Variants in AMDHD2 observed in about 807,000 individuals in gnomAD.
The protein encoded by AMDHD2 is N-acetylglucosamine-6-phosphate deacetylase.
In AMDHD2, 24 loss-of-function variants were observed where a neutral mutation model predicts 41.8. The ratio of observed to expected loss-of-function variants is 0.57; its 90% CI spans 0.42 to 0.81. AMDHD2 has a LOEUF of 0.81. Ranked by LOEUF, AMDHD2 falls within the 30% of genes least tolerant of loss-of-function variation. The pLI, the probability that AMDHD2 is intolerant of heterozygous loss-of-function variation, is 0.00. For missense variants in AMDHD2, 540 were observed against 588.5 expected, an observed-to-expected ratio of 0.92 and a Z score of 0.85; for synonymous variants, 332 against 255.5, an observed-to-expected ratio of 1.30 and a Z score of -2.85.
At position 2,521,073 on chromosome 16, in the gene AMDHD2, ACCT is replaced by A. The variant is rs1413768700; in HGVS notation, c.314_316del (p.Ser105del). On this transcript the variant is annotated inframe_deletion, in exon 3 of 11. Coordinates refer to ENST00000293971, the MANE Select transcript of AMDHD2 (RefSeq NM_001330449.2). ...CCGGAGGATCCTGTCGCACGGCGTCACCTCCTTCTGCCCCACCCTGGTCACTTC... is the reference window on the plus strand; with the variant it reads ...CCGGAGGATCCTGTCGCACGGCGTCACCTTCTGCCCCACCCTGGTCACTTC... 1.2e-6 allele frequency: 2 copies of A among 1,610,096 alleles called. No homozygotes were observed. Among genetic ancestry groups the A allele is most frequent in the Non-Finnish European group, 1.7e-6 (2 of 1,177,924 alleles).
chr16:2,530,633 T>G lies in AMDHD2; in HGVS notation c.*1070T>G, dbSNP rs2066078428. 2 of 1,614,082 alleles carry G rather than the reference T, an allele frequency of 1.2e-6. No homozygotes were observed. Among genetic ancestry groups the G allele is most frequent in the South Asian group, 2.2e-5 (2 of 91,094 alleles). On this transcript the variant is annotated 3_prime_UTR_variant, in exon 11 of 11. Transcript: ENST00000293971. ...CGCGCCTGGCTCTGCCACTGTTCTC[T>G]TCCCTCTGCTGCAAAGCCCAGTTAA...
Position 2,520,967 on chromosome 16 carries a change from C to T in AMDHD2, c.221-17C>T, listed in dbSNP as rs773524416. The T allele has an allele frequency of 2.4e-5, 39 of 1,597,340 alleles. No individual in the cohort carries two copies. Among genetic ancestry groups the T allele is most frequent in the Admixed American group, 5.1e-5 (3 of 58,914 alleles). ...AGCTCTGAGCTCCATGCGACACTTC[C>T]TTTTCTGTGGCTGCAGGTGGATTTG... On this transcript the variant is annotated splice_polypyrimidine_tract_variant and intron_variant, in intron 2 of 10. Coordinates refer to ENST00000293971, the MANE Select transcript of AMDHD2 (RefSeq NM_001330449.2).
Position 2,527,333 on chromosome 16 carries a change from GC to G in AMDHD2, c.361-226del, listed in dbSNP as rs1390107104. Among the ~76,000 whole-genome samples, 2 of 152,158 alleles carry G rather than the reference GC, an allele frequency of 1.3e-5. No individual in the cohort carries two copies. The highest frequency in any genetic ancestry group is 2.9e-5 in the Non-Finnish European group (2 of 68,018). On this transcript the variant is annotated intron_variant, in intron 3 of 10. Coordinates refer to ENST00000293971, the MANE Select transcript of AMDHD2 (RefSeq NM_001330449.2). The surrounding 1 kb of genome is among the most constrained non-coding windows in gnomAD (Gnocchi z 6.1). ...CAGTGCCCACAAGCCTGCCCACATG[GC>G]CAGGGACCGCTGGCATCCCACACAC...
chr16:2,522,084 A>T (rs959410805), intron 3 of AMDHD2, among the ~76,000 whole-genome samples: 1 of 151,148 alleles, frequency 6.6e-6, no homozygotes, highest in South Asian at 2.1e-4. Flanking sequence ...GCGCCCGGCC[A>T]GTTTTTGTTA....
intron 3 of AMDHD2, among the ~76,000 whole-genome samples, chr16:2,522,532 C>T (rs1487005530): frequency 2.0e-5 from 3 of 152,040 alleles, no homozygotes; most frequent in Non-Finnish European, 1.5e-5. Context: ...AAAAAATTAG[C>T]TGGGAGTGGT....
At chr16:2,523,560 C>T (rs1446899233) in intron 3 of AMDHD2, among the ~76,000 whole-genome samples, 2 of 152,066 alleles carry the variant, frequency 1.3e-5, no homozygotes, top group South Asian at 2.1e-4. Context: ...CAGCATCGTG[C>T]GTGAGATGCT....
chr16:2,522,841 T>A (rs2141900935), intron 3 of AMDHD2, among the ~76,000 whole-genome samples: 1 of 148,644 alleles, frequency 6.7e-6, no homozygotes, highest in Non-Finnish European at 1.5e-5. Context: ...CCTTAGTACT[T>A]AACTTTTTTT....
chr16:2,528,604 C>T (rs773549390), intron 8 of AMDHD2, 45 bp downstream of exon 8: 5 of 1,612,754 alleles, frequency 3.1e-6, no homozygotes, highest in African/African-American at 1.3e-5. Flanking sequence ...GCCCGCATGC[C>T]AGGTGGCCCA....
chr16:2,530,368 C>CT lies in AMDHD2; in HGVS notation c.*807dup. 6.2e-7 allele frequency: 1 copy of CT among 1,614,212 alleles called. No individual in the cohort carries two copies. Among genetic ancestry groups the CT allele is most frequent in the Non-Finnish European group, 8.5e-7 (1 of 1,180,030 alleles). ...GTCATCCTGCCATCTTCTGTGTCCCCTTGGCCCTGGCACACACCCATGTGG... is the reference window on the plus strand; with the variant it reads ...GTCATCCTGCCATCTTCTGTGTCCCCTTTGGCCCTGGCACACACCCATGTGG... On this transcript the variant is annotated 3_prime_UTR_variant, in exon 11 of 11. Transcript: ENST00000293971.
intron 3 of AMDHD2, among the ~76,000 whole-genome samples, chr16:2,526,519 C>T (rs2066005681): frequency 6.6e-6 from 1 of 152,118 alleles, no homozygotes; most frequent in African/African-American, 2.4e-5. Context: ...GGGGTCACTT[C>T]CCCCACTGCG....
rs1176316052 is a variant in AMDHD2, at chr16:2,522,869, A to T, written c.360+1746A>T. Among the ~76,000 whole-genome samples the T allele has an allele frequency of 2.1e-5, 3 of 143,056 alleles. No individual in the cohort carries two copies. In the East Asian group the frequency reaches 6.2e-4, roughly 30 times the overall value. 93.9% of individuals were successfully genotyped at this position (143,056 alleles called of 152,430 possible). A position where few individuals can be genotyped will look rare whatever the true frequency, so the allele number is the denominator to read the frequency against. On this transcript the variant is annotated intron_variant, in intron 3 of 10. Transcript: ENST00000293971. Reference sequence around the variant, plus strand: ...CTTTTTTTTTTTTTTTTTGAGACATAGTCTCCCTTTGTTGACCAGGCTGGA... The same window carrying T: ...CTTTTTTTTTTTTTTTTTGAGACATTGTCTCCCTTTGTTGACCAGGCTGGA...
intron 3 of AMDHD2, among the ~76,000 whole-genome samples, chr16:2,523,243 G>T (rs117204106): frequency 6.6e-6 from 1 of 152,268 alleles, no homozygotes; most frequent in African/African-American, 2.4e-5. Flanking sequence ...TAATTGAGCC[G>T]TCTGTGTTCT....
chr16:2,529,504 G>T lies in AMDHD2; in HGVS notation c.1171G>T (p.Val391Phe). Residue 391 changes from valine (V) to phenylalanine (F), a missense_variant, in exon 11 of 11, where the codon GTC becomes TTC. Coordinates refer to ENST00000293971, the MANE Select transcript of AMDHD2 (RefSeq NM_001330449.2). ...CGTGGTGCTCGACGACTCCCTTCACGTCCAGGCCACCTACATCTCGGGTGA... is the reference window on the plus strand; with the variant it reads ...CGTGGTGCTCGACGACTCCCTTCACTTCCAGGCCACCTACATCTCGGGTGA... ...DFVVLDDSLHVQATYISGELV... is the reference protein window; with the variant it reads ...DFVVLDDSLHFQATYISGELV... 1.9e-6 allele frequency: 3 copies of T among 1,611,694 alleles called. No homozygotes were observed. Among genetic ancestry groups the T allele is most frequent in the Non-Finnish European group, 2.5e-6 (3 of 1,179,976 alleles).
chr16:2,526,623 C>G (rs1230473677), intron 3 of AMDHD2, among the ~76,000 whole-genome samples: 3 of 151,900 alleles, frequency 2.0e-5, no homozygotes, highest in African/African-American at 7.3e-5. Flanking sequence ...CAACCCCGCC[C>G]CCAGGTTTAG....
In AMDHD2 at chr16:2,529,821, A is replaced by T; in HGVS notation, c.*258A>T. Reference sequence around the variant, plus strand: ...GAAGGCATTCACGGCCTGGGGTGGGATGGCTGGGCTGTAGTTTAGCCTGGG... The same window carrying T: ...GAAGGCATTCACGGCCTGGGGTGGGTTGGCTGGGCTGTAGTTTAGCCTGGG... On this transcript the variant is annotated 3_prime_UTR_variant, in exon 11 of 11. Coordinates refer to ENST00000293971, the MANE Select transcript of AMDHD2 (RefSeq NM_001330449.2). 2.8e-6 allele frequency: 4 copies of T among 1,422,178 alleles called. No individual in the cohort carries two copies. The South Asian group carries it at 4.6e-5, about 16-fold the overall frequency. 88.1% of individuals were successfully genotyped at this position (1,422,178 alleles called of 1,614,324 possible). A position where few individuals can be genotyped will look rare whatever the true frequency, so the allele number is the denominator to read the frequency against.
At position 2,521,066 on chromosome 16, in the gene AMDHD2, C is replaced by T. The variant is rs371735215; in HGVS notation, c.303C>T (p.His101=). The T allele has an allele frequency of 1.9e-6, 3 of 1,610,786 alleles. No homozygotes were observed. The highest frequency in any genetic ancestry group is 2.7e-5 in the African/African-American group (2 of 74,852). Residue 101 remains histidine, a synonymous_variant, in exon 3 of 11, where the codon CAC becomes CAT. Transcript: ENST00000293971. Reference sequence around the variant, plus strand: ...TCGTGGCCCGGAGGATCCTGTCGCACGGCGTCACCTCCTTCTGCCCCACCC... The same window carrying T: ...TCGTGGCCCGGAGGATCCTGTCGCATGGCGTCACCTCCTTCTGCCCCACCC... ...VALVARRILS[H]GVTSFCPTLV... is the part of the protein sequence containing the mutation.
rs550043924 is a variant in AMDHD2 at position 2,531,414 on chromosome 16, G to T, written c.*1851G>T. 2 of 498,950 alleles carry T rather than the reference G, an allele frequency of 4.0e-6. No individual in the cohort carries two copies. The allele number at this position is 498,950 out of a possible 1,614,324, so 30.9% of individuals were successfully genotyped here. On this transcript the variant is annotated 3_prime_UTR_variant, in exon 11 of 11. Coordinates refer to ENST00000293971, the MANE Select transcript of AMDHD2 (RefSeq NM_001330449.2). ...AAAATACATAACAAAAGTAACTATC[G>T]TAACCTGAGCAGTTCTGTGACATGA... is the stretch of plus-strand genomic sequence containing the variant.
intron 3 of AMDHD2, among the ~76,000 whole-genome samples, chr16:2,526,451 C>A (rs1405796866): frequency 6.6e-6 from 1 of 152,166 alleles, no homozygotes; most frequent in Non-Finnish European, 1.5e-5. Context: ...TCAGGGCAGG[C>A]ACTCTTCCGT....
At position 2,525,555 on chromosome 16, in the gene AMDHD2, A is replaced by T. The variant is rs1014431023; in HGVS notation, c.361-2006A>T. On this transcript the variant is annotated intron_variant, in intron 3 of 10. Coordinates refer to ENST00000293971, the MANE Select transcript of AMDHD2 (RefSeq NM_001330449.2). ...CTAATTTATTTATTTTTATTTATTT[A>T]TTTTTTTGAGATGGAGTCTCACTCT... is the stretch of plus-strand genomic sequence containing the variant. 4.7e-5 allele frequency among the ~76,000 whole-genome samples: 7 copies of T among 148,532 alleles called. No homozygotes were observed. In the South Asian group the frequency reaches 6.4e-4, roughly 14 times the overall value.
Sources: gnomAD v4.1 joint callset for allele counts (sites outside exome capture counted in the v4.1 genomes callset) on GRCh38, gnomAD v4.1.1 for gene constraint, Gnocchi (gnomAD v3.1) non-coding constraint, MANE v1.5 for transcripts, NCBI Gene and HGNC (gene_info 2026-07-23, HGNC 2026-07-21) for gene names.